Variants in DHX36 observed in about 807,000 individuals in gnomAD.
DHX36 encodes ATP-dependent DNA/RNA helicase DHX36.
Under a neutral mutation model 139.0 loss-of-function variants are expected in DHX36, and 50 were observed. The observed-to-expected ratio is 0.36, with a 90% CI of 0.29 to 0.46. The LOEUF (loss-of-function observed/expected upper bound fraction) is 0.46, where lower values mean the gene tolerates loss of function less well. DHX36 is among the 20% of genes least tolerant of loss of function. The probability of loss-of-function intolerance (pLI) is 1.00; values close to 1 mark genes in which losing one functional copy is unlikely to be tolerated. For missense variants in DHX36, 1,024 were observed against 1,211.3 expected (o/e 0.85, Z 2.29); for synonymous variants, 425 against 401.9 (o/e 1.06, Z -0.69).
At chr3:154,316,765 T>C (rs1183084578) in intron 1 of DHX36, among the ~76,000 whole-genome samples, 4 of 151,736 alleles carry the variant, frequency 2.6e-5, no homozygotes, top group African/African-American at 4.8e-5. Context: ...CTATGAAACT[T>C]TGCAGAAACT....
Position 154,290,357 on chromosome 3 carries a change from C to T in DHX36, c.1815-531G>A, listed in dbSNP as rs564325653. Among the ~76,000 whole-genome samples, 5 of 152,090 alleles carry T rather than the reference C, an allele frequency of 3.3e-5. No individual in the cohort carries two copies. The South Asian group carries it at 1.0e-3, about 32-fold the overall frequency. ...AACAATGATAAGACTAGATGTAGGC[C>T]GGGCGCGATGGCTCACACCAGTAAT... is the stretch of plus-strand genomic sequence containing the variant. On this transcript the variant is annotated intron_variant, in intron 15 of 24. Transcript: ENST00000496811.
intron 22 of DHX36, 170 bp from the exon 23 acceptor site, chr3:154,277,888 T>C (rs1196917936): frequency 1.4e-5 from 7 of 508,570 alleles, no homozygotes; most frequent in Admixed American, 7.4e-5. Context: ...AAAATATATT[T>C]ATATTTGAGG....
chr3:154,303,952 T>C (rs1367257204), intron 8 of DHX36, among the ~76,000 whole-genome samples: 1 of 152,180 alleles, frequency 6.6e-6, no homozygotes, highest in Admixed American at 6.5e-5. Context: ...CAGTACACAC[T>C]GTAAAAAGCA....
chr3:154,310,164 T>C (rs779117173), intron 4 of DHX36, among the ~76,000 whole-genome samples: 14 of 152,206 alleles, frequency 9.2e-5, no homozygotes, highest in South Asian at 4.1e-4. Context: ...TAAACAACTA[T>C]TGAGGACATT....
intron 8 of DHX36, among the ~76,000 whole-genome samples, chr3:154,304,373 T>C (rs979144501): frequency 2.0e-5 from 3 of 152,144 alleles, no homozygotes; most frequent in Non-Finnish European, 4.4e-5. Context: ...TAATAGCAAC[T>C]ACCTCATAAA....
chr3:154,273,847 A>G lies in DHX36; in HGVS notation c.*2324T>C, dbSNP rs1346560603. 2 of 152,198 alleles carry G rather than the reference A, an allele frequency of 1.3e-5. No individual in the cohort carries two copies. The highest frequency in any genetic ancestry group is 2.9e-5 in the Non-Finnish European group (2 of 68,042). 9.4% of individuals were successfully genotyped at this position (152,198 alleles called of 1,614,324 possible). On this transcript the variant is annotated 3_prime_UTR_variant, in exon 25 of 25. Coordinates refer to ENST00000496811, the MANE Select transcript of DHX36 (RefSeq NM_020865.3). ...GCACATTAAAATTTGCATTCTTTGG[A>G]GTGCAGCAAGATGCTTTTCCTGTTT...
intron 11 of DHX36, among the ~76,000 whole-genome samples, 199 bp downstream of exon 11, chr3:154,300,395 T>C (rs1176190165): frequency 6.6e-6 from 1 of 152,228 alleles, no homozygotes; most frequent in African/African-American, 2.4e-5. Context: ...ATGAGATTTA[T>C]AATCCATATA....
chr3:154,279,638 G>A (rs1412614370), intron 22 of DHX36: 1 of 152,198 alleles, frequency 6.6e-6, no homozygotes, highest in Non-Finnish European at 1.5e-5. Context: ...ACAACCACAA[G>A]TATCTCCAGA....
intron 9 of DHX36, among the ~76,000 whole-genome samples, 173 bp from the exon 10 acceptor site, chr3:154,301,300 C>T (rs949027229): frequency 7.9e-5 from 12 of 152,062 alleles, no homozygotes; most frequent in Admixed American, 5.2e-4. Context: ...CTTATAAAAC[C>T]TGATATTTTG....
At chr3:154,310,435 TA>T (rs1435323651) in intron 4 of DHX36, among the ~76,000 whole-genome samples, 1 of 151,966 alleles carries the variant, frequency 6.6e-6, no homozygotes, top group Non-Finnish European at 1.5e-5. Flanking sequence ...AAAGGGATGT[TA>T]GGGGTTATTT....
Position 154,316,064 on chromosome 3 carries a change from ATATCTGTGCTTCTGACTCTT to A in DHX36, c.323_342del (p.Lys108IlefsTer6). 1 of 1,613,280 alleles carries A rather than the reference ATATCTGTGCTTCTGACTCTT, an allele frequency of 6.2e-7. No individual in the cohort carries two copies. Among genetic ancestry groups the A allele is most frequent in the Non-Finnish European group, 8.5e-7 (1 of 1,179,550 alleles). On this transcript the variant is annotated frameshift_variant, in exon 2 of 25. Transcript: ENST00000496811. LOFTEE classifies it high-confidence loss of function. ...CCATGATCCTCAGGAGCAAACCAGG[ATATCTGTGCTTCTGACTCTT>A]TATCATTCTTCGCTTGAACAGAATT...
At chr3:154,291,134 C>CAAAAAAAAAA (rs71152798) in intron 15 of DHX36, among the ~76,000 whole-genome samples, 5 of 61,054 alleles carry the variant, frequency 8.2e-5, no homozygotes, top group African/African-American at 3.4e-4. Context: ...GACTCCGTCT[C>CAAAAAAAAAA]AAAAAAAAAA....
intron 24 of DHX36, 167 bp from the exon 25 acceptor site, chr3:154,276,523 A>C: frequency 1.3e-6 from 1 of 782,436 alleles, no homozygotes; most frequent in South Asian, 1.9e-5. Flanking sequence ...GAATAACTAA[A>C]GTGCAGTTAA....
intron 5 of DHX36, among the ~76,000 whole-genome samples, chr3:154,309,025 A>C (rs1446758892): frequency 6.6e-6 from 1 of 151,988 alleles, no homozygotes; most frequent in South Asian, 2.1e-4. Flanking sequence ...CCATCTCTAC[A>C]AAAAATACAA....
In DHX36 at chr3:154,284,549, T is replaced by C. The variant is rs566541234; in HGVS notation, c.2292+34A>G. ...TTATTAGCATTTCATTTGAATAAAC[T>C]ATCATAATCCAGGACAAAATTTTTT... On this transcript the variant is annotated intron_variant, in intron 19 of 24. Coordinates refer to ENST00000496811, the MANE Select transcript of DHX36 (RefSeq NM_020865.3). 8.2e-5 allele frequency: 122 copies of C among 1,492,492 alleles called. 1 individual carries two copies. The South Asian group carries it at 1.4e-3, about 17-fold the overall frequency. 92.5% of individuals were successfully genotyped at this position (1,492,492 alleles called of 1,614,324 possible). A position where few individuals can be genotyped will look rare whatever the true frequency, so the allele number is the denominator to read the frequency against.
At chr3:154,295,756 G>A (rs1458898054) in intron 12 of DHX36, among the ~76,000 whole-genome samples, 2 of 152,114 alleles carry the variant, frequency 1.3e-5, no homozygotes, top group South Asian at 2.1e-4. Flanking sequence ...ACATGAATAC[G>A]TTTGTACACT....
intron 2 of DHX36, among the ~76,000 whole-genome samples, chr3:154,315,555 C>T (rs1712948561): frequency 6.6e-6 from 1 of 152,076 alleles, no homozygotes; most frequent in African/African-American, 2.4e-5. Flanking sequence ...ACTGCGGTTA[C>T]TTACAGTGTT....
At chr3:154,308,190 A>G (rs190726931) in intron 5 of DHX36, among the ~76,000 whole-genome samples, 124 of 152,310 alleles carry the variant, frequency 8.1e-4, no homozygotes, top group African/African-American at 2.7e-3. Flanking sequence ...CATGTAACAA[A>G]ATTGCACTTG....
chr3:154,305,347 AT>A, intron 6 of DHX36, 179 bp from the exon 7 acceptor site: 1 of 553,504 alleles, frequency 1.8e-6, no homozygotes, highest in Non-Finnish European at 3.2e-6. Context: ...CTTCAAGTTC[AT>A]TATACATTAT....
Sources: allele counts gnomAD v4.1 joint callset (sites outside exome capture counted in the v4.1 genomes callset), GRCh38; gene constraint gnomAD v4.1.1; transcripts MANE v1.5; gene names NCBI Gene and HGNC (gene_info 2026-07-23, HGNC 2026-07-21).